TAFA5: variants seen among roughly 807,000 people sequenced by gnomAD.
TAFA5 encodes the protein chemokine-like protein TAFA-5.
In TAFA5, 6 loss-of-function variants were observed where a neutral mutation model predicts 15.3. The ratio of observed to expected loss-of-function variants is 0.39; its 90% CI spans 0.21 to 0.77. The LOEUF (loss-of-function observed/expected upper bound fraction) is 0.77, where lower values mean the gene tolerates loss of function less well. TAFA5 is among the 30% of genes least tolerant of loss of function. The pLI, the probability that TAFA5 is intolerant of heterozygous loss-of-function variation, is 0.41. For missense variants in TAFA5, 161 were observed against 193.1 expected, an observed-to-expected ratio of 0.83 and a Z score of 0.98; for synonymous variants, 103 against 80.7, an observed-to-expected ratio of 1.28 and a Z score of -1.48.
Position 48,742,501 on chromosome 22 carries a change from G to A in TAFA5, c.391-7338G>A, listed in dbSNP as rs1930208322. Among the ~76,000 whole-genome samples, 1 of 152,128 alleles carries A rather than the reference G, an allele frequency of 6.6e-6. No individual in the cohort carries two copies. Among genetic ancestry groups the A allele is most frequent in the African/African-American group, 2.4e-5 (1 of 41,410 alleles). ...GGCGCAGTGGAGCGGGCGTTGTGGTGGACCCGGTGGCGTGGCAGACCAGGC... is the reference window on the plus strand; with the variant it reads ...GGCGCAGTGGAGCGGGCGTTGTGGTAGACCCGGTGGCGTGGCAGACCAGGC... On this transcript the variant is annotated intron_variant, in intron 3 of 3. Coordinates refer to ENST00000402357, the MANE Select transcript of TAFA5 (RefSeq NM_001082967.3). This position sits in a 1 kb window ranked among gnomAD's most constrained non-coding sequence, Gnocchi z 6.2.
chr22:48,700,723 G>T (rs1274996196), intron 2 of TAFA5, among the ~76,000 whole-genome samples: 2 of 152,196 alleles, frequency 1.3e-5, no homozygotes, highest in Non-Finnish European at 2.9e-5. Context: ...ATGAGAGCTT[G>T]TCTGGCAGCT....
chr22:48,496,680 C>T (rs950925335), intron 1 of TAFA5, among the ~76,000 whole-genome samples: 5 of 152,086 alleles, frequency 3.3e-5, no homozygotes, highest in Non-Finnish European at 7.4e-5. Flanking sequence ...ACTGCCTGCT[C>T]GTTTAGGGCG....
At chr22:48,541,729 C>A (rs1311623741) in intron 1 of TAFA5, among the ~76,000 whole-genome samples, 1 of 152,170 alleles carries the variant, frequency 6.6e-6, no homozygotes, top group African/African-American at 2.4e-5. Flanking sequence ...GGGCTCAAGT[C>A]CTTCTTCAAG....
intron 1 of TAFA5, among the ~76,000 whole-genome samples, chr22:48,610,468 T>C (rs943036371): frequency 6.6e-6 from 1 of 152,224 alleles, no homozygotes. Flanking sequence ...CCCAGTGAAC[T>C]GCGGACCTTC....
chr22:48,571,067 G>A (rs1196809082), intron 1 of TAFA5, among the ~76,000 whole-genome samples: 2 of 152,074 alleles, frequency 1.3e-5, no homozygotes, highest in Non-Finnish European at 2.9e-5. Context: ...TAAGGGATGG[G>A]ACTAGTAAAC....
At chr22:48,714,904 T>C (rs1233857302) in intron 3 of TAFA5, among the ~76,000 whole-genome samples, 3 of 152,210 alleles carry the variant, frequency 2.0e-5, no homozygotes, top group Non-Finnish European at 4.4e-5. Flanking sequence ...CCCCAGGTGT[T>C]CCTTGGCTCG....
chr22:48,645,421 A>G (rs922153367), intron 1 of TAFA5, among the ~76,000 whole-genome samples: 2 of 152,046 alleles, frequency 1.3e-5, no homozygotes, highest in Non-Finnish European at 1.5e-5. Flanking sequence ...CGCACCTGAG[A>G]TGCCTGGGCT....
Position 48,707,796 on chromosome 22 carries a change from G to C in TAFA5, c.342G>C (p.Arg114=), listed in dbSNP as rs750613063. The change falls in exon 3 of 4, where the codon CGG becomes CGC. Residue 114 remains arginine (R), a synonymous_variant. Transcript: ENST00000402357. ...EGEGCDLLIN[R]SGWTCTQPGG... ...AAGGCTGCGACTTGTTAATCAACCG[G>C]TCAGGCTGGACGTGCACGCAGCCCG... 7 of 1,613,872 alleles carry C rather than the reference G, an allele frequency of 4.3e-6. No homozygotes were observed. The highest frequency in any genetic ancestry group is 5.9e-6 in the Non-Finnish European group (7 of 1,179,880).
intron 1 of TAFA5, among the ~76,000 whole-genome samples, chr22:48,643,509 T>C (rs1158518342): frequency 6.6e-6 from 1 of 152,154 alleles, no homozygotes; most frequent in African/African-American, 2.4e-5. Context: ...CCCTGCCCAG[T>C]GCGTGGCACC....
rs1929434646 is a variant in TAFA5 at position 48,717,415 on chromosome 22, G to A, written c.390+9571G>A. ...GTACCTGTGCTTCGGAAGATGAGGG[G>A]AAGGGGTCAGGGGACAAGAGGTGTC... is the stretch of plus-strand genomic sequence containing the variant. On this transcript the variant is annotated intron_variant, in intron 3 of 3. Coordinates refer to ENST00000402357, the MANE Select transcript of TAFA5 (RefSeq NM_001082967.3). Among the ~76,000 whole-genome samples the A allele has an allele frequency of 2.6e-5, 4 of 152,244 alleles. No homozygotes were observed. The South Asian group carries it at 8.3e-4, about 31-fold the overall frequency.
intron 1 of TAFA5, among the ~76,000 whole-genome samples, chr22:48,500,771 G>T (rs913415310): frequency 6.6e-6 from 1 of 152,218 alleles, no homozygotes; most frequent in Non-Finnish European, 1.5e-5. Flanking sequence ...GCCTGCCGTC[G>T]CCGCCTCGGG....
intron 1 of TAFA5, among the ~76,000 whole-genome samples, chr22:48,580,405 A>G (rs529085088): frequency 6.6e-6 from 1 of 152,388 alleles, no homozygotes; most frequent in South Asian, 2.1e-4. Context: ...AGAAATGGAT[A>G]GAGAACTTCT....
intron 1 of TAFA5, among the ~76,000 whole-genome samples, chr22:48,594,517 C>T (rs1355402333): frequency 1.3e-5 from 2 of 152,214 alleles, no homozygotes; most frequent in Non-Finnish European, 2.9e-5. Flanking sequence ...AGGGACATAG[C>T]CTGAAAACAG....
chr22:48,648,475 A>G (rs557715698), intron 2 of TAFA5, among the ~76,000 whole-genome samples: 49 of 152,234 alleles, frequency 3.2e-4, no homozygotes, highest in Admixed American at 2.6e-3. Context: ...TGGAGAAGGG[A>G]TGGGGCGTAC....
Position 48,489,752 on chromosome 22 carries a change from A to AC in TAFA5, c.112+53dup. 8.2e-7 allele frequency: 1 copy of AC among 1,212,854 alleles called. No individual in the cohort carries two copies. Among genetic ancestry groups the AC allele is most frequent in the Non-Finnish European group, 1.1e-6 (1 of 928,414 alleles). 75.1% of individuals were successfully genotyped at this position (1,212,854 alleles called of 1,614,324 possible). A position where few individuals can be genotyped will look rare whatever the true frequency, so the allele number is the denominator to read the frequency against. On this transcript the variant is annotated intron_variant, in intron 1 of 3. Coordinates refer to ENST00000402357, the MANE Select transcript of TAFA5 (RefSeq NM_001082967.3). This position sits in a 1 kb window ranked among gnomAD's most constrained non-coding sequence, Gnocchi z 5.5. ...CCCGGCACGGCCCTCTGGGCCCCGG[A>AC]CCCCCTCCTCCGGCCCCGGCAGGCG...
chr22:48,574,137 T>C (rs1243313932), intron 1 of TAFA5, among the ~76,000 whole-genome samples: 1 of 151,720 alleles, frequency 6.6e-6, no homozygotes, highest in Non-Finnish European at 1.5e-5. Context: ...GGAAATGGGG[T>C]TTTGAAGGGG....
intron 2 of TAFA5, among the ~76,000 whole-genome samples, chr22:48,655,830 C>CTT (rs1197219539): frequency 0.038 from 2,344 of 62,332 alleles, 555 homozygotes; most frequent in African/African-American, 0.14. Context: ...AACACTGATT[C>CTT]TTTTTTTTTT....
chr22:48,639,542 C>T (rs1189407130), intron 1 of TAFA5, among the ~76,000 whole-genome samples: 1 of 152,194 alleles, frequency 6.6e-6, no homozygotes, highest in East Asian at 1.9e-4. Context: ...ACCCTGAGGG[C>T]CTGTTTCCCG....
At chr22:48,569,187 G>A (rs1049044526) in intron 1 of TAFA5, among the ~76,000 whole-genome samples, 4 of 152,188 alleles carry the variant, frequency 2.6e-5, no homozygotes, top group Non-Finnish European at 4.4e-5. Context: ...GCAGGTGGCC[G>A]CAGTTACTCA....
Sources: gnomAD v4.1 joint callset for allele counts (sites outside exome capture counted in the v4.1 genomes callset) on GRCh38, gnomAD v4.1.1 for gene constraint, Gnocchi (gnomAD v3.1) non-coding constraint, MANE v1.5 for transcripts, NCBI Gene and HGNC (gene_info 2026-07-23, HGNC 2026-07-21) for gene names.